The following PTH2R variants were observed in gnomAD, a reference collection of about 807,000 sequenced individuals.
PTH2R encodes PTH2 receptor.
In PTH2R, 59 loss-of-function variants were observed where a neutral mutation model predicts 60.3. That is an observed-to-expected ratio of 0.98 (90% CI 0.79 to 1.22). PTH2R has a LOEUF of 1.22. Among genes scored for constraint, PTH2R ranks in the 50% most tolerant of loss-of-function variants. The pLI is 0.00. For missense variants in PTH2R, 749 were observed against 682.6 expected (o/e 1.10, Z -1.08); for synonymous variants, 256 against 243.8 (o/e 1.05, Z -0.47).
At chr2:208,457,559 G>A (rs902671179) in intron 8 of PTH2R, among the ~76,000 whole-genome samples, 2 of 152,200 alleles carry the variant, frequency 1.3e-5, no homozygotes, top group African/African-American at 4.8e-5. Context: ...GCAAATTGCA[G>A]AATAGTGCAT....
chr2:208,444,949 TGCC>T, intron 7 of PTH2R, 62 bp downstream of exon 7: 1 of 1,506,014 alleles, frequency 6.6e-7, no homozygotes, highest in Non-Finnish European at 9.0e-7. Context: ...CATTCTGTCA[TGCC>T]CATCATTAGC....
In PTH2R at chr2:208,443,160, T is replaced by A. The variant is rs535421378; in HGVS notation, c.510-188T>A. 4.9e-4 allele frequency among the ~76,000 whole-genome samples: 74 copies of A among 152,342 alleles called. 1 individual carries two copies. The highest frequency in any genetic ancestry group is 1.4e-3 in the African/African-American group (60 of 41,584). On this transcript the variant is annotated intron_variant, in intron 5 of 12. Transcript: ENST00000272847. The stretch of plus-strand genomic sequence containing the variant: ...AAGTAACAAGATGATGTACATAGGT[T>A]ATGTGCAAATACTGCACTATATCAT...
chr2:208,407,037 T>C lies in PTH2R; in HGVS notation c.-7T>C. ...GGTCCCTGCTTCTTCCTACAGCCGT[T>C]CCGGGCATGGCCGGGCTGGGGGCGT... On this transcript the variant is annotated 5_prime_UTR_variant, in exon 1 of 13. Coordinates refer to ENST00000272847, the MANE Select transcript of PTH2R (RefSeq NM_005048.4). 2 of 1,391,924 alleles carry C rather than the reference T, an allele frequency of 1.4e-6. No homozygotes were observed. The highest frequency in any genetic ancestry group is 1.9e-5 in the South Asian group (1 of 51,852). 86.2% of individuals were successfully genotyped at this position (1,391,924 alleles called of 1,614,324 possible).
chr2:208,439,131 A>T (rs1702133454), intron 4 of PTH2R, among the ~76,000 whole-genome samples: 1 of 152,124 alleles, frequency 6.6e-6, no homozygotes, highest in African/African-American at 2.4e-5. Context: ...AACCTTTCAG[A>T]GCTGTTAATG....
intron 9 of PTH2R, among the ~76,000 whole-genome samples, chr2:208,468,677 T>G (rs1168071221): frequency 6.6e-6 from 1 of 152,244 alleles, no homozygotes; most frequent in Non-Finnish European, 1.5e-5. Context: ...TTTTTCTTTG[T>G]GACCTTGATG....
At chr2:208,463,618 C>A (rs1380929724) in intron 9 of PTH2R, among the ~76,000 whole-genome samples, 2 of 152,116 alleles carry the variant, frequency 1.3e-5, no homozygotes, top group Admixed American at 1.3e-4. Flanking sequence ...TGCCACACAG[C>A]GCTGTAAGCA....
At chr2:208,361,979 G>A (rs923651016) in intron 1 of PTH2R, among the ~76,000 whole-genome samples, 1 of 152,158 alleles carries the variant, frequency 6.6e-6, no homozygotes, top group Non-Finnish European at 1.5e-5. Flanking sequence ...GAATTGGCAG[G>A]CTGAATAATG....
intron 1 of PTH2R, among the ~76,000 whole-genome samples, chr2:208,364,572 G>T (rs1436815301): frequency 6.6e-6 from 1 of 151,860 alleles, no homozygotes; most frequent in African/African-American, 2.4e-5. Context: ...TCTTTATTCT[G>T]TTCTATTGAT....
chr2:208,411,222 G>A (rs1021387868), intron 1 of PTH2R, among the ~76,000 whole-genome samples: 4 of 152,166 alleles, frequency 2.6e-5, no homozygotes, highest in African/African-American at 9.7e-5. Context: ...TAGAATATAG[G>A]CAGCTTCTCC....
Position 208,481,095 on chromosome 2 carries a change from C to T in PTH2R, c.1007C>T (p.Thr336Met), listed in dbSNP as rs148917707. The T allele has an allele frequency of 5.6e-5, 90 of 1,608,690 alleles. No individual in the cohort carries two copies. The highest frequency in any genetic ancestry group is 1.8e-4 in the East Asian group (8 of 44,772). The change falls in exon 10 of 13, where the codon ACG becomes ATG. Residue 336 changes from threonine to methionine, a missense_variant. Transcript: ENST00000272847. ...CTGAATTTTATTCTGTTTCTGAATACGGTTAGAGTTCTAGCTACCAAAATC... is the reference window on the plus strand; with the variant it reads ...CTGAATTTTATTCTGTTTCTGAATATGGTTAGAGTTCTAGCTACCAAAATC... ...IGLNFILFLN[T>M]VRVLATKIWE...
At chr2:208,420,141 G>C (rs1010870546) in intron 1 of PTH2R, among the ~76,000 whole-genome samples, 2 of 152,018 alleles carry the variant, frequency 1.3e-5, no homozygotes, top group East Asian at 1.9e-4. Flanking sequence ...GTTGTGGGGT[G>C]GGGGGAGTGG....
intron 1 of PTH2R, among the ~76,000 whole-genome samples, chr2:208,370,210 G>A (rs1429260765): frequency 6.6e-6 from 1 of 151,966 alleles, no homozygotes; most frequent in South Asian, 2.1e-4. Context: ...TCGGGAGGCC[G>A]AAGCGGGCGG....
rs184635602 is a variant in PTH2R at position 208,427,709 on chromosome 2, T to C, written c.76-492T>C. Among the ~76,000 whole-genome samples, 39 of 152,112 alleles carry C rather than the reference T, an allele frequency of 2.6e-4. 1 individual carries two copies. The highest frequency in any genetic ancestry group is 9.2e-4 in the African/African-American group (38 of 41,444). On this transcript the variant is annotated intron_variant, in intron 1 of 12. Transcript: ENST00000272847. The stretch of plus-strand genomic sequence containing the variant: ...TTTGGGATGTTTTGTTACACAGCTA[T>C]AGGTGATAAATACAGATGGTTTCTT...
chr2:208,361,844 A>G (rs1162227223), intron 1 of PTH2R, among the ~76,000 whole-genome samples: 3 of 152,040 alleles, frequency 2.0e-5, no homozygotes, highest in Admixed American at 1.3e-4. Flanking sequence ...TTTTTCTTCA[A>G]ATGTTTGAGT....
chr2:208,488,144 G>A (rs913342080), intron 10 of PTH2R, among the ~76,000 whole-genome samples: 2 of 152,182 alleles, frequency 1.3e-5, no homozygotes, highest in African/African-American at 4.8e-5. Context: ...CAGTTAAGGA[G>A]AATGATGAAA....
upstream of PTH2R, among the ~76,000 whole-genome samples, chr2:208,403,814 C>T (rs188623993): frequency 1.1e-3 from 163 of 152,268 alleles, no homozygotes; most frequent in African/African-American, 2.8e-3. Context: ...TTGCCTGGAA[C>T]AGTGGTTAGG....
intron 7 of PTH2R, 61 bp from the exon 8 acceptor site, chr2:208,450,688 G>A: frequency 6.5e-7 from 1 of 1,529,700 alleles, no homozygotes. Flanking sequence ...TGGTGAATTT[G>A]AGGAAAAAAC....
intron 7 of PTH2R, among the ~76,000 whole-genome samples, chr2:208,447,195 C>G (rs999471582): frequency 6.6e-6 from 1 of 152,056 alleles, no homozygotes; most frequent in Non-Finnish European, 1.5e-5. Context: ...TGGTCTTGAA[C>G]CCCTGGCCTC....
intron 8 of PTH2R, among the ~76,000 whole-genome samples, chr2:208,456,975 T>G (rs1447689897): frequency 1.3e-5 from 2 of 152,226 alleles, no homozygotes; most frequent in African/African-American, 4.8e-5. Context: ...TTTGACCTAC[T>G]TCCAAATGCA....
Sources: allele counts gnomAD v4.1 joint callset (sites outside exome capture counted in the v4.1 genomes callset), GRCh38; gene constraint gnomAD v4.1.1; transcripts MANE v1.5; gene names NCBI Gene and HGNC (gene_info 2026-07-23, HGNC 2026-07-21).